The following USP35 variants were observed in gnomAD, a reference collection of about 807,000 sequenced individuals.
The protein encoded by USP35 is ubiquitin specific peptidase 35.
A neutral mutation model predicts 83.8 loss-of-function variants in USP35; 69 were observed. The observed-to-expected ratio is 0.82, with a 90% CI of 0.68 to 1.01. The LOEUF (loss-of-function observed/expected upper bound fraction) is 1.01, where lower values mean the gene tolerates loss of function less well. USP35 is among the 50% of genes least tolerant of loss of function. USP35 has a pLI of 0.00. For missense variants in USP35, 1,503 were observed against 1,362.5 expected, an observed-to-expected ratio of 1.10 and a Z score of -1.62; for synonymous variants, 714 against 589.5, an observed-to-expected ratio of 1.21 and a Z score of -3.06.
Position 78,214,355 on chromosome 11 carries a change from T to TAC in USP35, c.*543_*544dup, listed in dbSNP as rs1258963645. The TAC allele has an allele frequency of 2.7e-5, 3 of 112,614 alleles. No individual in the cohort carries two copies. In the Admixed American group the frequency reaches 4.0e-4, roughly 15 times the overall value. The allele number at this position is 112,614 out of a possible 1,614,324, so 7.0% of individuals were successfully genotyped here. On this transcript the variant is annotated 3_prime_UTR_variant, in exon 11 of 11. Transcript: ENST00000529308. ...GAACAGAGACCGAGACCTGCCCCCT[T>TAC]ACCAAGCGCCACTGCATGGTTTTGG...
In USP35 at chr11:78,213,959, C is replaced by T. The variant is rs1168886593; in HGVS notation, c.*146C>T. 14 of 877,820 alleles carry T rather than the reference C, an allele frequency of 1.6e-5. No individual in the cohort carries two copies. Among genetic ancestry groups the T allele is most frequent in the South Asian group, 4.7e-5 (2 of 42,512 alleles). The allele number at this position is 877,820 out of a possible 1,614,324, so 54.4% of individuals were successfully genotyped here. On this transcript the variant is annotated 3_prime_UTR_variant, in exon 11 of 11. Transcript: ENST00000529308. ...GCCTGATGAAGGGTACACAGAGATT[C>T]TCTCAGATATGGAAGTAAGACCTAA... is the stretch of plus-strand genomic sequence containing the variant.
the USP35 span, chr11:78,220,249 C>T: frequency 1.3e-6 from 2 of 1,564,084 alleles, no homozygotes; most frequent in Admixed American, 3.4e-5. Flanking sequence ...TGAAGGCACC[C>T]TGGCCTCCAT....
intron 9 of USP35, 109 bp downstream of exon 9, chr11:78,209,072 CA>C: frequency 8.6e-7 from 1 of 1,156,398 alleles, no homozygotes; most frequent in Non-Finnish European, 1.2e-6. Flanking sequence ...GTGCTGCCTC[CA>C]ACATGTGGAG....
At chr11:78,198,619 C>G (rs1488387451) in intron 3 of USP35, 14 of 985,460 alleles carry the variant, frequency 1.4e-5, no homozygotes, top group Non-Finnish European at 1.7e-5. Context: ...CCTGGCATGC[C>G]TCCCTCTGCC....
chr11:78,196,527 C>A lies in USP35; in HGVS notation c.282C>A (p.Gly94=), dbSNP rs1043404946. The A allele has an allele frequency of 4.1e-6, 5 of 1,217,450 alleles. No homozygotes were observed. The African/African-American group carries it at 6.6e-5, about 16-fold the overall frequency. The allele number at this position is 1,217,450 out of a possible 1,614,324, so 75.4% of individuals were successfully genotyped here. A position where few individuals can be genotyped will look rare whatever the true frequency, so the allele number is the denominator to read the frequency against. The change falls in exon 2 of 11, where the codon GGC becomes GGA. Residue 94 remains glycine, a synonymous_variant. Coordinates refer to ENST00000529308, the MANE Select transcript of USP35 (RefSeq NM_020798.4). This position sits in a 1 kb window ranked among gnomAD's most constrained non-coding sequence, Gnocchi z 4.8. ...TGCGCCTGCTGCAGGGTGGCGCCGG[C>A]CCCCCGGGCCCCCGCGCGCTCGCCT... ...RVLRLLQGGA[G]PPGPRALACV...
Position 78,196,488 on chromosome 11 carries a change from C to T in USP35, c.243C>T (p.Ser81=). The T allele has an allele frequency of 8.1e-7, 1 of 1,232,448 alleles. No individual in the cohort carries two copies. Among genetic ancestry groups the T allele is most frequent in the Non-Finnish European group, 1.0e-6 (1 of 984,432 alleles). The allele number at this position is 1,232,448 out of a possible 1,614,324, so 76.3% of individuals were successfully genotyped here. Residue 81 remains serine, a synonymous_variant, in exon 2 of 11, where the codon AGC becomes AGT. Coordinates refer to ENST00000529308, the MANE Select transcript of USP35 (RefSeq NM_020798.4). The surrounding 1 kb of genome is among the most constrained non-coding windows in gnomAD (Gnocchi z 4.8). ...CCGACGTCTTCGCCGAGTTCTTCAG[C>T]GCGCGTCGCGTGCTGCGCCTGCTGC... The part of the protein sequence containing the change: ...HHPDVFAEFF[S]ARRVLRLLQG...
rs145054625 is a variant in USP35 at position 78,213,259 on chromosome 11, T to C, written c.2890-387T>C. Among the ~76,000 whole-genome samples, 26 of 152,290 alleles carry C rather than the reference T, an allele frequency of 1.7e-4. No individual in the cohort carries two copies. The East Asian group carries it at 4.8e-3, about 28-fold the overall frequency. On this transcript the variant is annotated intron_variant, in intron 10 of 10. Coordinates refer to ENST00000529308, the MANE Select transcript of USP35 (RefSeq NM_020798.4). ...TGGCGGGTAAGGATCGCCATGAGGCTGACGTCCTGGTAGCAGGAGGATGGG... is the reference window on the plus strand; with the variant it reads ...TGGCGGGTAAGGATCGCCATGAGGCCGACGTCCTGGTAGCAGGAGGATGGG...
rs1159611815 is a variant in USP35, at chr11:78,196,187, T to C, written c.-10-49T>C. 8 of 1,528,688 alleles carry C rather than the reference T, an allele frequency of 5.2e-6. No individual in the cohort carries two copies. Among genetic ancestry groups the C allele is most frequent in the South Asian group, 4.9e-5 (4 of 82,378 alleles). The allele number at this position is 1,528,688 out of a possible 1,614,324, so 94.7% of individuals were successfully genotyped here. The stretch of plus-strand genomic sequence containing the variant: ...CACTCGGGGACTGCACCGGGAACTC[T>C]TGAGCCCCGCGGTTGTCGGGCTGTG... On this transcript the variant is annotated intron_variant, in intron 1 of 10. Coordinates refer to ENST00000529308, the MANE Select transcript of USP35 (RefSeq NM_020798.4). The surrounding 1 kb of genome is among the most constrained non-coding windows in gnomAD (Gnocchi z 4.8).
At chr11:78,223,579 C>T in the USP35 span, 31 of 1,613,552 alleles carry the variant, frequency 1.9e-5, no homozygotes, top group African/African-American at 5.3e-5. Flanking sequence ...ATCACCTGCT[C>T]GTTCCATGGC....
At chr11:78,212,991 G>A (rs1209952554) in intron 10 of USP35, among the ~76,000 whole-genome samples, 1 of 152,222 alleles carries the variant, frequency 6.6e-6, no homozygotes, top group African/African-American at 2.4e-5. Flanking sequence ...GGCATACTGA[G>A]CAGCTGGAAC....
At chr11:78,217,722 C>T (rs1864220049), downstream of USP35, 2 of 152,270 alleles carry the variant, frequency 1.3e-5, no homozygotes, top group African/African-American at 4.8e-5. Context: ...CCCTGCTAAT[C>T]TGATGGCCTT....
chr11:78,205,184 C>T (rs971502242), intron 6 of USP35, among the ~76,000 whole-genome samples: 4 of 152,196 alleles, frequency 2.6e-5, no homozygotes, highest in African/African-American at 9.7e-5. Flanking sequence ...GGACCAAGAC[C>T]CATACCTCAG....
At position 78,196,254 on chromosome 11, in the gene USP35, G is replaced by T. The variant is rs1305292480; in HGVS notation, c.9G>T (p.Lys3Asn). The change falls in exon 2 of 11, where the codon AAG becomes AAT. Residue 3 changes from lysine (K) to asparagine (N), a missense_variant. By Grantham distance (94) the Lys-to-Asn change is moderately conservative (BLOSUM62 0). Transcript: ENST00000529308. The surrounding 1 kb of genome is among the most constrained non-coding windows in gnomAD (Gnocchi z 4.8). Reference protein sequence around the residue: MDKILEAVVTSSY... With the variant: MDNILEAVVTSSY... ...TCCGCAGCGCGGGCGCCATGGACAA[G>T]ATCTTGGAGGCGGTGGTGACGTCGT... The T allele has an allele frequency of 6.3e-7, 1 of 1,593,232 alleles. No homozygotes were observed. Among genetic ancestry groups the T allele is most frequent in the South Asian group, 1.1e-5 (1 of 90,918 alleles).
At chr11:78,229,225 G>T in the USP35 span, among the ~76,000 whole-genome samples, 17 of 152,250 alleles carry the variant, frequency 1.1e-4, no homozygotes, top group East Asian at 3.3e-3. Flanking sequence ...GCCACAACTG[G>T]CCAGGCAGAA....
rs1235489152 is a variant in USP35 at position 78,215,122 on chromosome 11, G to A, written c.*1309G>A. Among the ~76,000 whole-genome samples the A allele has an allele frequency of 6.6e-6, 1 of 152,172 alleles. No homozygotes were observed. The highest frequency in any genetic ancestry group is 1.5e-5 in the Non-Finnish European group (1 of 68,026). On this transcript the variant is annotated 3_prime_UTR_variant, in exon 11 of 11. Coordinates refer to ENST00000529308, the MANE Select transcript of USP35 (RefSeq NM_020798.4). ...GCCTAAGAAAGCTGGATGGGTAAAT[G>A]CTAGTATGATTTCCACTTTACAACA... is the stretch of plus-strand genomic sequence containing the variant.
the USP35 span, chr11:78,223,261 G>T: frequency 1.7e-6 from 1 of 585,464 alleles, no homozygotes; most frequent in East Asian, 3.2e-5. Flanking sequence ...ATTACCATCT[G>T]CATTTCACAG....
chr11:78,222,207 A>G, the USP35 span: 1 of 1,593,754 alleles, frequency 6.3e-7, no homozygotes, highest in African/African-American at 1.3e-5. Flanking sequence ...TGGAGCAGGA[A>G]AAGAAAGTCT....
Position 78,196,689 on chromosome 11 carries a change from G to T in USP35, c.444G>T (p.Leu148=). 6.7e-7 allele frequency: 1 copy of T among 1,491,790 alleles called. No homozygotes were observed. The highest frequency in any genetic ancestry group is 1.3e-5 in the South Asian group (1 of 79,784). The allele number at this position is 1,491,790 out of a possible 1,614,324, so 92.4% of individuals were successfully genotyped here. Residue 148 remains leucine, a synonymous_variant, in exon 2 of 11, where the codon CTG becomes CTT. Coordinates refer to ENST00000529308, the MANE Select transcript of USP35 (RefSeq NM_020798.4). This position sits in a 1 kb window ranked among gnomAD's most constrained non-coding sequence, Gnocchi z 4.8. ...CCTGCGCGCAGGTGGCACGGCTGCT[G>T]GCTCGCCACCCGCGCTGTGTGCCCG... ...PAACAQVARL[L]ARHPRCVPDG...
the USP35 span, chr11:78,223,761 A>T: frequency 9.0e-7 from 1 of 1,112,460 alleles, no homozygotes; most frequent in Non-Finnish European, 1.3e-6. Context: ...ATGAGGCAAG[A>T]CAAGTCATGA....
Sources: gnomAD v4.1 joint callset for allele counts (sites outside exome capture counted in the v4.1 genomes callset) on GRCh38, gnomAD v4.1.1 for gene constraint, Gnocchi (gnomAD v3.1) non-coding constraint, MANE v1.5 for transcripts, NCBI Gene and HGNC (gene_info 2026-07-23, HGNC 2026-07-21) for gene names.